Variants in ADGRG3 observed in about 807,000 individuals in gnomAD.
ADGRG3 encodes adhesion G protein-coupled receptor G3.
A neutral mutation model predicts 54.3 loss-of-function variants in ADGRG3; 39 were observed. The ratio of observed to expected loss-of-function variants is 0.72; its 90% CI spans 0.56 to 0.94. The LOEUF (loss-of-function observed/expected upper bound fraction) is 0.94. ADGRG3 is among the 40% of genes least tolerant of loss of function. ADGRG3 has a pLI of 0.00. For missense variants in ADGRG3, 654 were observed against 694.6 expected, an observed-to-expected ratio of 0.94 and a Z score of 0.66; for synonymous variants, 312 against 290.0, an observed-to-expected ratio of 1.08 and a Z score of -0.77.
chr16:57,679,939 T>G lies in ADGRG3; in HGVS notation c.667+84T>G. 3 of 1,102,888 alleles carry G rather than the reference T, an allele frequency of 2.7e-6. No individual in the cohort carries two copies. The South Asian group carries it at 3.7e-5, about 14-fold the overall frequency. 68.3% of individuals were successfully genotyped at this position (1,102,888 alleles called of 1,614,324 possible). On this transcript the variant is annotated intron_variant, in intron 6 of 11. Transcript: ENST00000333493. ...GTGGGGCGGGGCTAGCTCCACTGGCTGAGTCCCTCCCCTGCCTTCCTCTCC... is the reference window on the plus strand; with the variant it reads ...GTGGGGCGGGGCTAGCTCCACTGGCGGAGTCCCTCCCCTGCCTTCCTCTCC...
At chr16:57,668,733 G>A (rs534355508) in intron 1 of ADGRG3, among the ~76,000 whole-genome samples, 79 of 152,330 alleles carry the variant, frequency 5.2e-4, no homozygotes, top group African/African-American at 1.8e-3. Context: ...CTCTGAGACA[G>A]GGGTTGGCCC....
intron 3 of ADGRG3, among the ~76,000 whole-genome samples, chr16:57,677,213 G>C (rs1485576554): frequency 6.6e-6 from 1 of 152,238 alleles, no homozygotes; most frequent in East Asian, 1.9e-4. Flanking sequence ...CAATGTGCAT[G>C]GGGTGTTTCT....
Position 57,676,180 on chromosome 16 carries a change from C to T in ADGRG3, c.207-20C>T, listed in dbSNP as rs200700523. On this transcript the variant is annotated intron_variant, in intron 2 of 11. Transcript: ENST00000333493. ...CAGCCTGCAGGATCCTACCCTCCCC[C>T]CATCCCTGGCCCTTTGCAGATACTG... 20 of 1,611,766 alleles carry T rather than the reference C, an allele frequency of 1.2e-5. No homozygotes were observed. The highest frequency in any genetic ancestry group is 2.7e-5 in the African/African-American group (2 of 74,814).
Position 57,679,266 on chromosome 16 carries a change from G to C in ADGRG3, c.582G>C (p.Leu194=), listed in dbSNP as rs2048319848. The C allele has an allele frequency of 6.2e-7, 1 of 1,613,880 alleles. No individual in the cohort carries two copies. The highest frequency in any genetic ancestry group is 1.7e-5 in the Admixed American group (1 of 59,986). ...TGGGACAAATGCATGTCACCAAGCT[G>C]GCTGAGCCTCTGGAGATCGTCTTCT... ...LSVGQMHVTK[L]AEPLEIVFSH... The change falls in exon 5 of 12, where the codon CTG becomes CTC. Residue 194 remains leucine (L), a synonymous_variant. Transcript: ENST00000333493.
Position 57,680,270 on chromosome 16 carries a change from A to T in ADGRG3, c.673A>T (p.Thr225Ser). 1 of 1,533,500 alleles carries T rather than the reference A, an allele frequency of 6.5e-7. No individual in the cohort carries two copies. Among genetic ancestry groups the T allele is most frequent in the South Asian group, 1.1e-5 (1 of 89,310 alleles). 95.0% of individuals were successfully genotyped at this position (1,533,500 alleles called of 1,614,324 possible). Residue 225 changes from threonine (T) to serine (S), a missense_variant, in exon 7 of 12, where the codon ACT becomes TCT. Thr to Ser is a moderately conservative substitution (Grantham distance 58). Coordinates refer to ENST00000333493, the MANE Select transcript of ADGRG3 (RefSeq NM_170776.5). ...CVFWDVTKGTTGDWSSEGCST... is the reference protein window; with the variant it reads ...CVFWDVTKGTSGDWSSEGCST... ...TCCCCTGGCCTCCTCTCCAGGGACCACTGGAGACTGGTCTTCTGAGGGCTG... is the reference window on the plus strand; with the variant it reads ...TCCCCTGGCCTCCTCTCCAGGGACCTCTGGAGACTGGTCTTCTGAGGGCTG...
chr16:57,680,003 CT>C, intron 6 of ADGRG3, 148 bp downstream of exon 6: 3 of 510,616 alleles, frequency 5.9e-6, no homozygotes, highest in South Asian at 5.4e-5. Flanking sequence ...CATCCCCTCC[CT>C]TCCCCTCCCC....
In ADGRG3 at chr16:57,688,655, A is replaced by G; in HGVS notation, c.*194A>G. The G allele has an allele frequency of 1.7e-6, 1 of 583,672 alleles. No homozygotes were observed. Among genetic ancestry groups the G allele is most frequent in the African/African-American group, 1.9e-5 (1 of 53,706 alleles). 36.2% of individuals were successfully genotyped at this position (583,672 alleles called of 1,614,324 possible). A position where few individuals can be genotyped will look rare whatever the true frequency, so the allele number is the denominator to read the frequency against. ...CAACTATAGGTCCAAGAGTCCACGT[A>G]AGCAGGTTTGCAAGGCTCTAAAGTT... On this transcript the variant is annotated 3_prime_UTR_variant, in exon 12 of 12. Coordinates refer to ENST00000333493, the MANE Select transcript of ADGRG3 (RefSeq NM_170776.5).
rs548099571 is a variant in ADGRG3, at chr16:57,670,047, C to T, written c.58+1642C>T. ...GACTGTGGCTACAGGAGGGAAATGG[C>T]GGTGGTTTGCTCACGGTGAGCCAGC... On this transcript the variant is annotated intron_variant, in intron 1 of 11. Transcript: ENST00000333493. Among the ~76,000 whole-genome samples, 87 of 152,262 alleles carry T rather than the reference C, an allele frequency of 5.7e-4. 2 individuals are homozygous for T. The South Asian group carries it at 0.011, about 19-fold the overall frequency.
intron 8 of ADGRG3, among the ~76,000 whole-genome samples, chr16:57,681,732 A>G (rs963678686): frequency 6.1e-5 from 9 of 147,254 alleles, no homozygotes; most frequent in Non-Finnish European, 1.2e-4. Flanking sequence ...GTCTCAAAAA[A>G]AAAAAAAAAA....
Position 57,684,100 on chromosome 16 carries a change from C to A in ADGRG3, c.1050C>A (p.Leu350=), listed in dbSNP as rs2048426297. The A allele has an allele frequency of 1.2e-6, 2 of 1,614,116 alleles. No homozygotes were observed. Among genetic ancestry groups the A allele is most frequent in the East Asian group, 4.5e-5 (2 of 44,884 alleles). Residue 350 remains leucine (L), a synonymous_variant, in exon 9 of 12, where the codon CTC becomes CTA. Coordinates refer to ENST00000333493, the MANE Select transcript of ADGRG3 (RefSeq NM_170776.5). ...GGGCTGTCTTCCACTACTTCCTGCTCTGTGCCTTCACCTGGATGGGCCTTG... is the reference window on the plus strand; with the variant it reads ...GGGCTGTCTTCCACTACTTCCTGCTATGTGCCTTCACCTGGATGGGCCTTG... The part of the protein sequence containing the change: ...ARGAVFHYFL[L]CAFTWMGLEA...
In ADGRG3 at chr16:57,689,341, G is replaced by C. The variant is rs116710631; in HGVS notation, c.*880G>C. The C allele has an allele frequency of 0.011, 1,861 of 164,208 alleles. 39 individuals are homozygous for C. The highest frequency in any genetic ancestry group is 0.039 in the African/African-American group (1,625 of 41,716). The allele number at this position is 164,208 out of a possible 1,614,324, so 10.2% of individuals were successfully genotyped here. The stretch of plus-strand genomic sequence containing the variant: ...CAGCCCAGGCCAAGCACAGGGTCTG[G>C]CTCGTGGCAAACCTTGAATAAATAT... On this transcript the variant is annotated 3_prime_UTR_variant, in exon 12 of 12. Coordinates refer to ENST00000333493, the MANE Select transcript of ADGRG3 (RefSeq NM_170776.5).
chr16:57,685,755 A>G lies in ADGRG3; in HGVS notation c.1369A>G (p.Ile457Val). 1 of 1,614,110 alleles carries G rather than the reference A, an allele frequency of 6.2e-7. No individual in the cohort carries two copies. Among genetic ancestry groups the G allele is most frequent in the South Asian group, 1.1e-5 (1 of 91,076 alleles). Reference protein sequence around the residue: ...MVVLALVVWKIFTLSRATAVK... With the variant: ...MVVLALVVWKVFTLSRATAVK... Reference sequence around the variant, plus strand: ...GGTCCTGGCCCTGGTGGTCTGGAAGATCTTCACCCTGTCCCGTGCTACAGC... The same window carrying G: ...GGTCCTGGCCCTGGTGGTCTGGAAGGTCTTCACCCTGTCCCGTGCTACAGC... Residue 457 changes from isoleucine to valine, a missense_variant, in exon 11 of 12, where the codon ATC becomes GTC. Physicochemically the swap from Ile to Val is conservative, Grantham distance 29 (BLOSUM62 3). Transcript: ENST00000333493.
intron 3 of ADGRG3, among the ~76,000 whole-genome samples, chr16:57,677,104 G>A (rs2048278008): frequency 1.3e-5 from 2 of 152,192 alleles, no homozygotes. Flanking sequence ...CAGGGGTTAT[G>A]TACTGGCCCC....
In ADGRG3 at chr16:57,685,811, G is replaced by T; in HGVS notation, c.1425G>T (p.Lys475Asn). 1 of 1,614,238 alleles carries T rather than the reference G, an allele frequency of 6.2e-7. No homozygotes were observed. The highest frequency in any genetic ancestry group is 1.7e-5 in the Admixed American group (1 of 60,030). ...AGGAGCGGGGGAAGAACCGGAAGAA[G>T]GTGCTCACCCTGCTGGGCCTCTCGA... is the stretch of plus-strand genomic sequence containing the variant. Reference protein sequence around the residue: ...AVKERGKNRKKVLTLLGLSSL... With the variant: ...AVKERGKNRKNVLTLLGLSSL... Residue 475 changes from lysine (K) to asparagine (N), a missense_variant, in exon 11 of 12, where the codon AAG (lysine) becomes AAT (asparagine). Transcript: ENST00000333493.
chr16:57,679,320 C>T lies in ADGRG3; in HGVS notation c.627+9C>T, dbSNP rs1186073818. The T allele has an allele frequency of 6.8e-6, 11 of 1,613,364 alleles. No individual in the cohort carries two copies. Among genetic ancestry groups the T allele is most frequent in the Admixed American group, 1.7e-5 (1 of 60,002 alleles). On this transcript the variant is annotated intron_variant, in intron 5 of 11. Transcript: ENST00000333493. ...ACCAGCGACCGCCCCCTGTGAGTCC[C>T]CTGCTCAGGCCTGGCAGCCACTGCA...
At chr16:57,680,199 TCTCCCCTCCCTTGCC>T (rs2048342261) in intron 6 of ADGRG3, 51 bp from the exon 7 acceptor site, 1 of 365,320 alleles carries the variant, frequency 2.7e-6, no homozygotes, top group Non-Finnish European at 5.2e-6. Flanking sequence ...GTTCCCCTCC[TCTCCCCTCCCTTGCC>T]CTCCCCTCCC....
Position 57,688,614 on chromosome 16 carries a change from A to C in ADGRG3, c.*153A>C, listed in dbSNP as rs555532113. The C allele has an allele frequency of 1.9e-5, 12 of 645,784 alleles. No homozygotes were observed. The African/African-American group carries it at 2.0e-4, about 11-fold the overall frequency. 40.0% of individuals were successfully genotyped at this position (645,784 alleles called of 1,614,324 possible). On this transcript the variant is annotated 3_prime_UTR_variant, in exon 12 of 12. Transcript: ENST00000333493. ...ACCAGGTTGGACCACGTGGCATCAG[A>C]GGTCCCATCCAGATCCAACTATAGG...
At chr16:57,684,714 T>A (rs1184201905) in intron 10 of ADGRG3, among the ~76,000 whole-genome samples, 1 of 152,160 alleles carries the variant, frequency 6.6e-6, no homozygotes. Flanking sequence ...GAGGGAGAAC[T>A]GGACCAGGAG....
chr16:57,668,389 C>T lies in ADGRG3; in HGVS notation c.42C>T (p.Leu14=). The T allele has an allele frequency of 6.3e-7, 1 of 1,574,864 alleles. No individual in the cohort carries two copies. Among genetic ancestry groups the T allele is most frequent in the South Asian group, 1.2e-5 (1 of 86,552 alleles). Residue 14 remains leucine, a synonymous_variant, in exon 1 of 12, where the codon CTC becomes CTT. Transcript: ENST00000333493. ...GCCTGGGGGCCCTGCTCCTGCTCCT[C>T]CTGCTCCCGACCTCAGGTGAGTGGC... is the stretch of plus-strand genomic sequence containing the variant. ...PRGLGALLLL[L]LLPTSGQEKP... is the part of the protein sequence containing the mutation.
Sources: gnomAD v4.1 joint callset for allele counts (sites outside exome capture counted in the v4.1 genomes callset) on GRCh38, gnomAD v4.1.1 for gene constraint, MANE v1.5 for transcripts, NCBI Gene and HGNC (gene_info 2026-07-23, HGNC 2026-07-21) for gene names.